Variants in RSRP1 observed in about 807,000 individuals in gnomAD.
The protein encoded by RSRP1 is arginine and serine rich protein 1.
In RSRP1, 37 loss-of-function variants were observed where a neutral mutation model predicts 33.0. The observed-to-expected ratio is 1.12, with a 90% CI of 0.86 to 1.48. The LOEUF is 1.48. RSRP1 is among the 40% of genes most tolerant of loss of function. The probability of loss-of-function intolerance (pLI) is 0.00; values close to 1 mark genes in which losing one functional copy is unlikely to be tolerated. For missense variants in RSRP1, 402 were observed against 385.3 expected, an observed-to-expected ratio of 1.04 and a Z score of -0.36; for synonymous variants, 167 against 158.7, an observed-to-expected ratio of 1.05 and a Z score of -0.40.
At position 25,278,024 on chromosome 1, in the gene RSRP1, T is replaced by C. The variant is rs1007868763; in HGVS notation, c.-66-30995A>G. 7.6e-5 allele frequency among the ~76,000 whole-genome samples: 10 copies of C among 130,760 alleles called. 2 individuals carry two copies. The highest frequency in any genetic ancestry group is 2.6e-4 in the African/African-American group (10 of 38,480). The allele number at this position is 130,760 out of a possible 152,430, so 85.8% of individuals were successfully genotyped here. Reference sequence around the variant, plus strand: ...TAAATAAAATAAATAAAACTAGAATTGCTTGTTTTCTTCCAGCTACCCTGG... The same window carrying C: ...TAAATAAAATAAATAAAACTAGAATCGCTTGTTTTCTTCCAGCTACCCTGG... On this transcript the variant is annotated intron_variant, in intron 1 of 1. Coordinates refer to the RSRP1 transcript ENST00000561867.
At chr1:25,313,259 A>G (rs1644263481) in intron 1 of RSRP1, among the ~76,000 whole-genome samples, 1 of 131,702 alleles carries the variant, frequency 7.6e-6, no homozygotes, top group African/African-American at 2.6e-5. Flanking sequence ...GCACAGCAAG[A>G]AGGTCCTCAA....
rs2478017 is a variant in RSRP1 at position 25,269,664 on chromosome 1, A to G, written c.-66-22635T>C. Reference sequence around the variant, plus strand: ...CTTGAAGATTTAAAGACAGAATATCAGGAAATGTAGTCAGAAAATGGGGCC... The same window carrying G: ...CTTGAAGATTTAAAGACAGAATATCGGGAAATGTAGTCAGAAAATGGGGCC... On this transcript the variant is annotated intron_variant, in intron 1 of 1. Transcript: ENST00000561867. Among the ~76,000 whole-genome samples the G allele has an allele frequency of 1.9e-4, 26 of 133,434 alleles. 2 individuals are homozygous for G. The highest frequency in any genetic ancestry group is 1.6e-3 in the East Asian group (8 of 5,156). The allele number at this position is 133,434 out of a possible 152,430, so 87.5% of individuals were successfully genotyped here.
Position 25,256,929 on chromosome 1 carries a change from G to A in RSRP1, c.-66-9900C>T, listed in dbSNP as rs566338901. Among the ~76,000 whole-genome samples, 237 of 152,318 alleles carry A rather than the reference G, an allele frequency of 1.6e-3. 1 individual carries two copies. Among genetic ancestry groups the A allele is most frequent in the African/African-American group, 5.5e-3 (227 of 41,566 alleles). On this transcript the variant is annotated intron_variant, in intron 1 of 1. Coordinates refer to the RSRP1 transcript ENST00000561867. ...AAGTTACCTTCACTTGCTTTCCTCA[G>A]TCTATTAGACTGGTTTCTGGATTTG... is the stretch of plus-strand genomic sequence containing the variant.
intron 1 of RSRP1, chr1:25,284,560 C>G: frequency 7.2e-7 from 1 of 1,388,526 alleles, no homozygotes; most frequent in Non-Finnish European, 1.0e-6. Flanking sequence ...CTCGCCATCT[C>G]CCCACCGAGC....
At position 25,293,226 on chromosome 1, in the gene RSRP1, G is replaced by A. The variant is rs548532242; in HGVS notation, c.-67+44752C>T. ...AGGAGAAGCAGGAGGGCAATAATCC[G>A]ATAGAGAGGAAAAATCTGATGATAC... On this transcript the variant is annotated intron_variant, in intron 1 of 1. Coordinates refer to the RSRP1 transcript ENST00000561867. 4.6e-5 allele frequency among the ~76,000 whole-genome samples: 6 copies of A among 130,244 alleles called. 1 individual carries two copies. Among genetic ancestry groups the A allele is most frequent in the East Asian group, 2.0e-4 (1 of 5,100 alleles). 85.4% of individuals were successfully genotyped at this position (130,244 alleles called of 152,430 possible).
chr1:25,256,668 T>C (rs1207002020), intron 1 of RSRP1, among the ~76,000 whole-genome samples: 1 of 152,190 alleles, frequency 6.6e-6, no homozygotes, highest in Non-Finnish European at 1.5e-5. Context: ...TTTCACCATA[T>C]TGCCCAGGCT....
chr1:25,290,518 C>A (rs1750383), intron 1 of RSRP1: 13 of 899,360 alleles, frequency 1.4e-5, no homozygotes, highest in African/African-American at 1.3e-4. Flanking sequence ...GTCTTCTATT[C>A]CCACAGAAAG....
intron 3 of RSRP1, chr1:25,244,000 T>A: frequency 8.5e-7 from 1 of 1,182,468 alleles, no homozygotes; most frequent in Non-Finnish European, 1.1e-6. Flanking sequence ...AGACCTTGTC[T>A]ACTAATACTG....
At chr1:25,290,432 T>A (rs1475595459) in intron 1 of RSRP1, among the ~76,000 whole-genome samples, 2 of 126,796 alleles carry the variant, frequency 1.6e-5, no homozygotes, top group Non-Finnish European at 3.7e-5. Flanking sequence ...TGGCTCAGGG[T>A]GCAGAGGCCA....
rs1268522938 is a variant in RSRP1, at chr1:25,319,078, A to C, written c.-67+18900T>G. 2.3e-5 allele frequency among the ~76,000 whole-genome samples: 3 copies of C among 132,214 alleles called. 1 individual carries two copies. The highest frequency in any genetic ancestry group is 7.7e-5 in the African/African-American group (3 of 38,870). The allele number at this position is 132,214 out of a possible 152,430, so 86.7% of individuals were successfully genotyped here. On this transcript the variant is annotated intron_variant, in intron 1 of 1. Transcript: ENST00000561867. ...TGCAAGGTGTCTGTTTTTAAATTTG[A>C]AATGAATTGGGTATCCTGCATTTTA...
At chr1:25,308,085 T>C (rs376112497) in intron 1 of RSRP1, among the ~76,000 whole-genome samples, 2,757 of 123,046 alleles carry the variant, frequency 0.022, 255 homozygotes, top group African/African-American at 0.052. Context: ...CTTGCACCCA[T>C]CATCACAGTG....
chr1:25,284,992 A>C (rs1244320876), intron 1 of RSRP1, among the ~76,000 whole-genome samples: 1 of 135,102 alleles, frequency 7.4e-6, no homozygotes, highest in South Asian at 2.2e-4. Flanking sequence ...CCAGGCCTAC[A>C]TTCCTCCTGC....
chr1:25,301,130 G>A lies in RSRP1; in HGVS notation c.-67+36848C>T, dbSNP rs755748343. ...GTGGGGTGAGTGGTCTCCTACTTGGGCTGAGCAGAATGGCTCAGAAAAGGC... is the reference window on the plus strand; with the variant it reads ...GTGGGGTGAGTGGTCTCCTACTTGGACTGAGCAGAATGGCTCAGAAAAGGC... On this transcript the variant is annotated intron_variant, in intron 1 of 1. Transcript: ENST00000561867. The A allele has an allele frequency of 1.4e-5, 19 of 1,367,290 alleles. No homozygotes were observed. The East Asian group carries it at 4.3e-4, about 31-fold the overall frequency. 84.7% of individuals were successfully genotyped at this position (1,367,290 alleles called of 1,614,324 possible).
At chr1:25,276,331 A>G (rs1640953516) in intron 1 of RSRP1, among the ~76,000 whole-genome samples, 1 of 128,170 alleles carries the variant, frequency 7.8e-6, no homozygotes, top group African/African-American at 2.7e-5. Flanking sequence ...TGTGACAATC[A>G]TCAGAGTTTG....
rs557746335 is a variant in RSRP1, at chr1:25,276,532, T to TAAAAAAAAAAAA, written c.-66-29515_-66-29504dup. Among the ~76,000 whole-genome samples, 35 of 64,782 alleles carry TAAAAAAAAAAAA rather than the reference T, an allele frequency of 5.4e-4. 2 individuals are homozygous for TAAAAAAAAAAAA. Among genetic ancestry groups the TAAAAAAAAAAAA allele is most frequent in the African/African-American group, 2.4e-3 (33 of 13,862 alleles). The allele number at this position is 64,782 out of a possible 152,430, so 42.5% of individuals were successfully genotyped here. A position where few individuals can be genotyped will look rare whatever the true frequency, so the allele number is the denominator to read the frequency against. ...ACATAGGGAGACCCCCCCCCATCTC[T>TAAAAAAAAAAAA]AAAAAAAAAAAAAAAAAAAAAAACT... is the stretch of plus-strand genomic sequence containing the variant. On this transcript the variant is annotated intron_variant, in intron 1 of 1. Transcript: ENST00000561867.
At chr1:25,271,442 T>G (rs1376570872) in intron 1 of RSRP1, among the ~76,000 whole-genome samples, 2 of 132,324 alleles carry the variant, frequency 1.5e-5, no homozygotes, top group South Asian at 2.3e-4. Context: ...CTCCTGGCCC[T>G]GGCTTTATTC....
At chr1:25,284,105 C>G (rs1191430230) in intron 1 of RSRP1, among the ~76,000 whole-genome samples, 3 of 135,710 alleles carry the variant, frequency 2.2e-5, no homozygotes. Context: ...CTATCTCTGC[C>G]CTCTCTTTTC....
chr1:25,290,448 A>G lies in RSRP1; in HGVS notation c.-66-43419T>C, dbSNP rs1177241509. On this transcript the variant is annotated intron_variant, in intron 1 of 1. Transcript: ENST00000561867. Reference sequence around the variant, plus strand: ...GGCTCAGGGTGCAGAGGCCACCTTAACGGGAGAAGAGATGGTCACTCCACT... The same window carrying G: ...GGCTCAGGGTGCAGAGGCCACCTTAGCGGGAGAAGAGATGGTCACTCCACT... Among the ~76,000 whole-genome samples the G allele has an allele frequency of 3.1e-5, 4 of 127,900 alleles. 2 individuals are homozygous for G. The highest frequency in any genetic ancestry group is 7.4e-5 in the Non-Finnish European group (4 of 54,168). The allele number at this position is 127,900 out of a possible 152,430, so 83.9% of individuals were successfully genotyped here.
Position 25,290,766 on chromosome 1 carries a change from G to A in RSRP1, c.-66-43737C>T, listed in dbSNP as rs755122124. ...GAGGTGACAGCTTTAGGCAACCTGA[G>A]GATGGTCATCAGTAATATCTTCAAC... On this transcript the variant is annotated intron_variant, in intron 1 of 1. Coordinates refer to the RSRP1 transcript ENST00000561867. 2.5e-5 allele frequency: 34 copies of A among 1,377,222 alleles called. 5 individuals are homozygous for A. The highest frequency in any genetic ancestry group is 1.5e-5 in the Non-Finnish European group (15 of 978,258). The allele number at this position is 1,377,222 out of a possible 1,614,324, so 85.3% of individuals were successfully genotyped here. A position where few individuals can be genotyped will look rare whatever the true frequency, so the allele number is the denominator to read the frequency against.
Sources: allele counts gnomAD v4.1 joint callset (sites outside exome capture counted in the v4.1 genomes callset), GRCh38; gene constraint gnomAD v4.1.1; transcripts MANE v1.5; gene names NCBI Gene and HGNC (gene_info 2026-07-23, HGNC 2026-07-21).